EYA3: variants seen among roughly 807,000 people sequenced by gnomAD.
EYA3 encodes EYA transcriptional coactivator and phosphatase 3, also known as protein phosphatase EYA3.
EYA3 carries 39 observed loss-of-function variants against 80.0 expected under a neutral mutation model. That is an observed-to-expected ratio of 0.49 (90% confidence interval 0.38 to 0.64). EYA3 has a LOEUF of 0.64. Among genes scored for constraint, EYA3 ranks in the 30% least tolerant of loss-of-function variants. The probability of loss-of-function intolerance (pLI) is 0.00; values close to 1 mark genes in which losing one functional copy is unlikely to be tolerated. For synonymous variants in EYA3, 206 were observed against 232.8 expected (o/e 0.88, Z 1.05); for missense variants, 523 against 676.1 (o/e 0.77, Z 2.51).
chr1:28,027,749 A>G lies in EYA3; in HGVS notation c.499+40T>C, dbSNP rs1642871882. The G allele has an allele frequency of 3.7e-6, 6 of 1,610,856 alleles. No homozygotes were observed. The East Asian group carries it at 1.3e-4, about 36-fold the overall frequency. On this transcript the variant is annotated intron_variant, in intron 7 of 17. Transcript: ENST00000373871. ...GGTAGATTAAAAACAAGAAACAATA[A>G]TAATAATTTTAAAACACACACACAA...
chr1:27,993,023 T>C (rs530861259), intron 14 of EYA3, among the ~76,000 whole-genome samples: 30 of 152,080 alleles, frequency 2.0e-4, no homozygotes, highest in African/African-American at 7.3e-4. Context: ...AGTTACTAGC[T>C]AGTTCTACTT....
intron 5 of EYA3, among the ~76,000 whole-genome samples, chr1:28,038,459 AAAAAAC>A (rs1456937104): frequency 2.0e-4 from 30 of 150,688 alleles, no homozygotes; most frequent in Non-Finnish European, 2.8e-4. Flanking sequence ...AAAAAAAAAA[AAAAAAC>A]CGAACACAGA....
At chr1:27,996,840 C>T (rs998917021) in intron 13 of EYA3, among the ~76,000 whole-genome samples, 6 of 152,192 alleles carry the variant, frequency 3.9e-5, no homozygotes, top group Non-Finnish European at 5.9e-5. Context: ...CCTGAGCAAG[C>T]ATTTTGCCAC....
At chr1:28,022,187 C>T (rs954487927) in intron 7 of EYA3, among the ~76,000 whole-genome samples, 72 of 152,220 alleles carry the variant, frequency 4.7e-4, no homozygotes, top group South Asian at 8.3e-4. Context: ...CTCGCTCTGT[C>T]GCCCAGGCTG....
At chr1:28,076,737 C>CTTTTTTT in intron 1 of EYA3, among the ~76,000 whole-genome samples, 1 of 115,106 alleles carries the variant, frequency 8.7e-6, no homozygotes, top group Admixed American at 8.9e-5. Context: ...TTTATAATTT[C>CTTTTTTT]TTTTTTTTTT....
rs760928677 is a variant in EYA3, at chr1:28,027,779, G to A, written c.499+10C>T. 9 of 1,613,832 alleles carry A rather than the reference G, an allele frequency of 5.6e-6. No homozygotes were observed. In the Admixed American group the frequency reaches 8.3e-5, roughly 15 times the overall value. ...AATTTTAAAACACACACACAACCAT[G>A]CCTATTTACCTTGAATGGGATAAGA... On this transcript the variant is annotated intron_variant, in intron 7 of 17. Coordinates refer to ENST00000373871, the MANE Select transcript of EYA3 (RefSeq NM_001990.4).
chr1:28,002,269 G>T (rs1299950734), intron 11 of EYA3, among the ~76,000 whole-genome samples: 1 of 151,882 alleles, frequency 6.6e-6, no homozygotes, highest in Admixed American at 6.6e-5. Context: ...GGCTGGTCTC[G>T]AATTCCTGGC....
chr1:27,981,090 A>G (rs1179518488), intron 16 of EYA3, among the ~76,000 whole-genome samples: 1 of 152,234 alleles, frequency 6.6e-6, no homozygotes, highest in Non-Finnish European at 1.5e-5. Context: ...TTCAGAAATT[A>G]TTTTGAGAAT....
intron 5 of EYA3, among the ~76,000 whole-genome samples, chr1:28,036,739 A>G (rs1643474589): frequency 6.6e-6 from 1 of 152,248 alleles, no homozygotes; most frequent in African/African-American, 2.4e-5. Flanking sequence ...GAATTTTTAG[A>G]TACCAATTAT....
chr1:28,003,013 T>C (rs922387317), intron 11 of EYA3, among the ~76,000 whole-genome samples: 10 of 151,220 alleles, frequency 6.6e-5, no homozygotes, highest in Admixed American at 5.9e-4. Flanking sequence ...TCCCAGCATT[T>C]TGGGAGGCCG....
At chr1:27,980,965 G>A (rs574121552) in intron 16 of EYA3, among the ~76,000 whole-genome samples, 8 of 152,152 alleles carry the variant, frequency 5.3e-5, no homozygotes, top group South Asian at 4.1e-4. Flanking sequence ...TCGCTTGAGC[G>A]TGGGAAGGTT....
chr1:28,027,043 T>TA (rs1459450837), intron 7 of EYA3, among the ~76,000 whole-genome samples: 1 of 152,160 alleles, frequency 6.6e-6, no homozygotes, highest in Non-Finnish European at 1.5e-5. Flanking sequence ...ATCTATTTTA[T>TA]AAGAAATAAA....
chr1:28,065,767 G>A (rs981336283), intron 1 of EYA3, among the ~76,000 whole-genome samples: 1 of 149,842 alleles, frequency 6.7e-6, no homozygotes, highest in Admixed American at 6.7e-5. Flanking sequence ...CACTCTGGGA[G>A]GCCGAGGCGG....
chr1:28,032,900 CA>C (rs1643228504), intron 6 of EYA3, among the ~76,000 whole-genome samples: 1 of 152,112 alleles, frequency 6.6e-6, no homozygotes, highest in African/African-American at 2.4e-5. Flanking sequence ...ATCCTGGGTT[CA>C]ATTATAATCC....
chr1:28,081,091 GC>G (rs1463383641), intron 1 of EYA3, among the ~76,000 whole-genome samples: 2 of 152,088 alleles, frequency 1.3e-5, no homozygotes, highest in Non-Finnish European at 2.9e-5. Context: ...ATATAAGCAA[GC>G]CTCTGAAAGA....
intron 1 of EYA3, among the ~76,000 whole-genome samples, chr1:28,072,661 C>T (rs755668490): frequency 4.6e-5 from 7 of 152,192 alleles, no homozygotes; most frequent in Non-Finnish European, 8.8e-5. Context: ...TCATGGAAAA[C>T]AGTTTGGCAG....
chr1:28,037,541 C>G (rs928617566), intron 5 of EYA3, among the ~76,000 whole-genome samples: 3 of 151,910 alleles, frequency 2.0e-5, no homozygotes, highest in Admixed American at 6.5e-5. Flanking sequence ...TGGTAAAGAC[C>G]ATAATGTCCT....
At chr1:28,057,106 A>T (rs1272845613) in intron 2 of EYA3, among the ~76,000 whole-genome samples, 1 of 152,194 alleles carries the variant, frequency 6.6e-6, no homozygotes, top group Non-Finnish European at 1.5e-5. Flanking sequence ...GAATAATGAC[A>T]AAGTAATCAT....
At chr1:28,081,799 G>A (rs961159901) in intron 1 of EYA3, among the ~76,000 whole-genome samples, 5 of 152,070 alleles carry the variant, frequency 3.3e-5, no homozygotes, top group Admixed American at 1.3e-4. Context: ...CCGTAGTAAC[G>A]GTGCTGATAG....
Sources: allele counts gnomAD v4.1 joint callset (sites outside exome capture counted in the v4.1 genomes callset), GRCh38; gene constraint gnomAD v4.1.1; transcripts MANE v1.5; gene names NCBI Gene and HGNC (gene_info 2026-07-23, HGNC 2026-07-21).